The following TMEM132D variants were observed in gnomAD, a reference collection of about 807,000 sequenced individuals.
The protein encoded by TMEM132D is mature OL transmembrane protein.
Under a neutral mutation model 62.3 loss-of-function variants are expected in TMEM132D, and 21 were observed. The ratio of observed to expected loss-of-function variants is 0.34; its 90% CI spans 0.24 to 0.49. The LOEUF is 0.49. TMEM132D is among the 20% of genes least tolerant of loss of function. The probability of loss-of-function intolerance (pLI) is 0.99; values close to 1 mark genes in which losing one functional copy is unlikely to be tolerated. For missense variants in TMEM132D, 1,346 were observed against 1,402.8 expected (o/e 0.96, Z 0.65); for synonymous variants, 621 against 575.6 (o/e 1.08, Z -1.13).
intron 5 of TMEM132D, among the ~76,000 whole-genome samples, chr12:129,103,823 C>T (rs1875396222): frequency 6.6e-6 from 1 of 151,136 alleles, no homozygotes; most frequent in South Asian, 2.1e-4. Context: ...ACCCAGGAAT[C>T]CAACTTACAA....
intron 4 of TMEM132D, among the ~76,000 whole-genome samples, chr12:129,229,139 G>A (rs760110675): frequency 6.6e-6 from 1 of 152,176 alleles, no homozygotes; most frequent in African/African-American, 2.4e-5. Flanking sequence ...TTCCAACAAC[G>A]GAGGCTAAAA....
chr12:129,609,343 C>T (rs368852046), intron 2 of TMEM132D, among the ~76,000 whole-genome samples: 6 of 152,048 alleles, frequency 3.9e-5, no homozygotes, highest in Admixed American at 6.5e-5. Flanking sequence ...CAACATATCA[C>T]GAGAAAGAAA....
chr12:129,563,318 G>C (rs1877286950), intron 2 of TMEM132D, among the ~76,000 whole-genome samples: 1 of 152,170 alleles, frequency 6.6e-6, no homozygotes, highest in African/African-American at 2.4e-5. Flanking sequence ...GTTTTAGAAG[G>C]CATACAGCTT....
chr12:129,598,697 C>T (rs1041456348), intron 2 of TMEM132D, among the ~76,000 whole-genome samples: 3 of 152,092 alleles, frequency 2.0e-5, no homozygotes, highest in Admixed American at 6.6e-5. Flanking sequence ...AAAACAGGCA[C>T]GGAATAGTCA....
At chr12:129,132,879 T>C (rs2135525869) in intron 5 of TMEM132D, among the ~76,000 whole-genome samples, 1 of 152,276 alleles carries the variant, frequency 6.6e-6, no homozygotes, top group East Asian at 1.9e-4. Context: ...AGGAGTCCCT[T>C]GGAGAGAGCT....
At chr12:129,814,724 T>C (rs908149731) in intron 1 of TMEM132D, among the ~76,000 whole-genome samples, 1 of 152,106 alleles carries the variant, frequency 6.6e-6, no homozygotes, top group African/African-American at 2.4e-5. Context: ...CTTTGAGCTG[T>C]CAACCGCTCT....
chr12:129,560,802 G>A lies in TMEM132D; in HGVS notation c.969-29597C>T, dbSNP rs532912426. 2.0e-3 allele frequency among the ~76,000 whole-genome samples: 308 copies of A among 152,288 alleles called. 3 individuals are homozygous for A. Among genetic ancestry groups the A allele is most frequent in the South Asian group, 0.016 (79 of 4,820 alleles). On this transcript the variant is annotated intron_variant, in intron 2 of 8. Transcript: ENST00000422113. ...GAGAGTCAAGAGTGGCTCTGCCACC[G>A]GGAATGCTGCCAGACACCTCCATTG...
rs2135616048 is a variant in TMEM132D at position 129,081,836 on chromosome 12, C to A, written c.1846G>T (p.Val616Leu). The A allele has an allele frequency of 6.2e-7, 1 of 1,613,946 alleles. No homozygotes were observed. Among genetic ancestry groups the A allele is most frequent in the Non-Finnish European group, 8.5e-7 (1 of 1,180,010 alleles). ...AGCTTGGCGATCCTGGGCTCCTCCA[C>A]CTGCATGAAGTCATTTATCAGCTCC... ...ITELINDFMQ[V>L]EEPRIAKLQG... The change falls in exon 7 of 9, where the codon GTG (valine) becomes TTG (leucine). Residue 616 changes from valine (V) to leucine (L), a missense_variant. Coordinates refer to ENST00000422113, the MANE Select transcript of TMEM132D (RefSeq NM_133448.3).
chr12:129,420,314 T>TTTTG (rs1872271815), intron 3 of TMEM132D, among the ~76,000 whole-genome samples: 2 of 55,148 alleles, frequency 3.6e-5, no homozygotes, highest in African/African-American at 1.1e-4. Flanking sequence ...CTGTTTTTTT[T>TTTTG]TTTTTTTTTT....
intron 3 of TMEM132D, among the ~76,000 whole-genome samples, chr12:129,436,807 C>A (rs1376828579): frequency 6.6e-6 from 1 of 152,100 alleles, no homozygotes; most frequent in Non-Finnish European, 1.5e-5. Context: ...TAAAAATGAA[C>A]TTGAAGTATA....
At chr12:129,833,428 C>T (rs2137336453) in intron 1 of TMEM132D, among the ~76,000 whole-genome samples, 1 of 152,056 alleles carries the variant, frequency 6.6e-6, no homozygotes, top group East Asian at 1.9e-4. Flanking sequence ...TGGTGAAACC[C>T]CATCCCTACA....
Position 129,709,563 on chromosome 12 carries a change from GA to G in TMEM132D, c.80-8866del, listed in dbSNP as rs534102382. Among the ~76,000 whole-genome samples the G allele has an allele frequency of 7.7e-3, 1,177 of 152,290 alleles. 14 individuals are homozygous for G. Among genetic ancestry groups the G allele is most frequent in the African/African-American group, 0.019 (775 of 41,566 alleles). ...AAGTAGAAGCAAAAGGTTCCCAAAG[GA>G]AAACATCTCAGAATGTTGGATTCAC... On this transcript the variant is annotated intron_variant, in intron 1 of 8. Transcript: ENST00000422113.
chr12:129,697,926 A>C (rs7135928), intron 2 of TMEM132D, among the ~76,000 whole-genome samples: 1 of 150,956 alleles, frequency 6.6e-6, no homozygotes, highest in African/African-American at 2.5e-5. Context: ...CACACACACA[A>C]GCTGCATGTG....
chr12:129,473,551 G>A (rs1466604625), intron 3 of TMEM132D, among the ~76,000 whole-genome samples: 2 of 151,726 alleles, frequency 1.3e-5, no homozygotes, highest in African/African-American at 4.8e-5. Flanking sequence ...GGCTGGTCTC[G>A]AACCCCTGGC....
At chr12:129,161,968 C>CT (rs1454999820) in intron 5 of TMEM132D, among the ~76,000 whole-genome samples, 1 of 152,164 alleles carries the variant, frequency 6.6e-6, no homozygotes, top group Non-Finnish European at 1.5e-5. Flanking sequence ...GTGACTCTTG[C>CT]TTAGCACAAA....
chr12:129,513,177 A>G (rs777559565), intron 3 of TMEM132D, among the ~76,000 whole-genome samples: 3 of 152,176 alleles, frequency 2.0e-5, no homozygotes, highest in Non-Finnish European at 4.4e-5. Context: ...TGATGTTGCA[A>G]CACAACACAA....
At chr12:129,671,874 T>A (rs1169818612) in intron 2 of TMEM132D, among the ~76,000 whole-genome samples, 1 of 152,176 alleles carries the variant, frequency 6.6e-6, no homozygotes, top group Non-Finnish European at 1.5e-5. Context: ...TGGCTTGGAT[T>A]CTTACAAATT....
At chr12:129,077,301 A>G (rs1874294406) in intron 8 of TMEM132D, among the ~76,000 whole-genome samples, 2 of 152,240 alleles carry the variant, frequency 1.3e-5, no homozygotes, top group Admixed American at 1.3e-4. Context: ...GGAAGCAGTC[A>G]GAACAATGTC....
intron 3 of TMEM132D, among the ~76,000 whole-genome samples, chr12:129,413,877 G>T (rs1872039186): frequency 6.6e-6 from 1 of 152,248 alleles, no homozygotes; most frequent in African/African-American, 2.4e-5. Context: ...CAAAATATTA[G>T]AAACATCTTA....
Sources: gnomAD v4.1 joint callset for allele counts (sites outside exome capture counted in the v4.1 genomes callset) on GRCh38, gnomAD v4.1.1 for gene constraint, MANE v1.5 for transcripts, NCBI Gene and HGNC (gene_info 2026-07-23, HGNC 2026-07-21) for gene names.